Variants in SPAG16 observed in about 807,000 individuals in gnomAD.
SPAG16 encodes sperm-associated antigen 16 protein.
In SPAG16, 86 loss-of-function variants were observed where a neutral mutation model predicts 80.4. The observed-to-expected ratio is 1.07, with a 90% CI of 0.90 to 1.28. SPAG16 has a LOEUF of 1.28. Ranked by LOEUF, SPAG16 falls within the 50% of genes most tolerant of loss-of-function variation. SPAG16 has a pLI of 0.00. For synonymous variants in SPAG16, 294 were observed against 265.9 expected, an observed-to-expected ratio of 1.11 and a Z score of -1.03; for missense variants, 870 against 765.3, an observed-to-expected ratio of 1.14 and a Z score of -1.61.
rs542514227 is a variant in SPAG16 at position 214,276,226 on chromosome 2, G to A, written c.1720+126960G>A. On this transcript the variant is annotated intron_variant, in intron 15 of 15. Coordinates refer to ENST00000331683, the MANE Select transcript of SPAG16 (RefSeq NM_024532.5). ...ATGGGTCTCCTGAATACAGCACCCTGATGGGTCTTGGCTCTTTATCCAATT... is the reference window on the plus strand; with the variant it reads ...ATGGGTCTCCTGAATACAGCACCCTAATGGGTCTTGGCTCTTTATCCAATT... 4.6e-5 allele frequency among the ~76,000 whole-genome samples: 7 copies of A among 152,314 alleles called. No homozygotes were observed. The East Asian group carries it at 1.2e-3, about 25-fold the overall frequency.
intron 15 of SPAG16, among the ~76,000 whole-genome samples, chr2:214,377,573 A>G (rs1412864955): frequency 2.0e-5 from 3 of 152,224 alleles, no homozygotes; most frequent in Non-Finnish European, 4.4e-5. Context: ...TTTAGGACAT[A>G]TAACATACAA....
chr2:214,106,853 A>G lies in SPAG16; in HGVS notation c.1528-1343A>G, dbSNP rs545715006. 4.6e-5 allele frequency among the ~76,000 whole-genome samples: 7 copies of G among 152,274 alleles called. No individual in the cohort carries two copies. In the South Asian group the frequency reaches 1.5e-3, roughly 32 times the overall value. On this transcript the variant is annotated intron_variant, in intron 13 of 15. Transcript: ENST00000331683. ...TGTTGTTCCAGAAATGTGTGAGGCA[A>G]ACATCTACTTGGAGACATTTGCTCT...
intron 10 of SPAG16, among the ~76,000 whole-genome samples, chr2:213,578,735 T>A (rs1267866105): frequency 6.6e-6 from 1 of 152,044 alleles, no homozygotes; most frequent in Non-Finnish European, 1.5e-5. Flanking sequence ...TGGAGACAGA[T>A]GAAAAAGACA....
intron 9 of SPAG16, among the ~76,000 whole-genome samples, chr2:213,448,255 C>T (rs1215583190): frequency 6.6e-6 from 1 of 152,182 alleles, no homozygotes; most frequent in Admixed American, 6.5e-5. Flanking sequence ...ATTCCTACAA[C>T]GAGACTAATC....
chr2:213,949,179 T>TTTTTTTTTTTTTTTTTTTTGGTTTTG (rs1553677674), intron 12 of SPAG16, among the ~76,000 whole-genome samples: 1 of 36,246 alleles, frequency 2.8e-5, no homozygotes, highest in Non-Finnish European at 5.5e-5. Flanking sequence ...GTTTTTTTTT[T>TTTTTTTTTTTTTTTTTTTTGGTTTTG]TTTTTTTTTT....
chr2:213,677,413 A>G (rs1386690608), intron 10 of SPAG16, among the ~76,000 whole-genome samples: 1 of 152,130 alleles, frequency 6.6e-6, no homozygotes, highest in African/African-American at 2.4e-5. Flanking sequence ...AAATAAAAGG[A>G]TGGAGGAAGA....
In SPAG16 at chr2:214,374,751, A is replaced by C. The variant is rs532252655; in HGVS notation, c.1721-35389A>C. Among the ~76,000 whole-genome samples the C allele has an allele frequency of 5.3e-5, 8 of 152,340 alleles. No individual in the cohort carries two copies. The South Asian group carries it at 1.7e-3, about 32-fold the overall frequency. On this transcript the variant is annotated intron_variant, in intron 15 of 15. Transcript: ENST00000331683. ...ATGAAATAGAACATTAGATTTCTGC[A>C]ACAAAGTTGCATCAAAGTAGATGCA... is the stretch of plus-strand genomic sequence containing the variant.
At chr2:213,361,426 A>C (rs919447583) in intron 7 of SPAG16, among the ~76,000 whole-genome samples, 7 of 150,816 alleles carry the variant, frequency 4.6e-5, no homozygotes, top group African/African-American at 1.7e-4. Flanking sequence ...ATATATATAT[A>C]TATTTTAGGT....
At chr2:213,543,071 A>G (rs2125920948) in intron 10 of SPAG16, among the ~76,000 whole-genome samples, 1 of 152,200 alleles carries the variant, frequency 6.6e-6, no homozygotes, top group African/African-American at 2.4e-5. Context: ...CAAATGTTTA[A>G]AAGATAATCA....
chr2:213,913,511 T>A (rs542819522), intron 11 of SPAG16, among the ~76,000 whole-genome samples: 1 of 152,088 alleles, frequency 6.6e-6, no homozygotes, highest in Admixed American at 6.5e-5. Flanking sequence ...TGTGTGTGTG[T>A]GTGTCTGTAT....
chr2:214,027,556 G>A (rs773738525), intron 13 of SPAG16, among the ~76,000 whole-genome samples: 2 of 151,634 alleles, frequency 1.3e-5, no homozygotes, highest in Non-Finnish European at 3.0e-5. Context: ...AAATCATATT[G>A]ATAAAGGATC....
At chr2:213,385,868 T>C (rs1270137536) in intron 9 of SPAG16, among the ~76,000 whole-genome samples, 1 of 152,122 alleles carries the variant, frequency 6.6e-6, no homozygotes, top group African/African-American at 2.4e-5. Flanking sequence ...AAAATTCATG[T>C]ACTAAAATAC....
At chr2:213,849,525 G>A (rs2074800791) in intron 10 of SPAG16, among the ~76,000 whole-genome samples, 1 of 152,098 alleles carries the variant, frequency 6.6e-6, no homozygotes, top group Non-Finnish European at 1.5e-5. Flanking sequence ...ATACAAAAAA[G>A]TCATTATTTA....
chr2:213,594,105 CTT>C (rs1057093227), intron 10 of SPAG16, among the ~76,000 whole-genome samples: 2 of 152,068 alleles, frequency 1.3e-5, no homozygotes, highest in African/African-American at 4.8e-5. Flanking sequence ...AACTTCAACT[CTT>C]TAGCTTTGAG....
At chr2:213,334,779 A>ACTG (rs2064269676) in intron 5 of SPAG16, among the ~76,000 whole-genome samples, 1 of 152,138 alleles carries the variant, frequency 6.6e-6, no homozygotes, top group African/African-American at 2.4e-5. Flanking sequence ...GGAGATAGAG[A>ACTG]GTAGAAGGAT....
chr2:214,032,629 T>C (rs2048471601), intron 13 of SPAG16, among the ~76,000 whole-genome samples: 1 of 152,204 alleles, frequency 6.6e-6, no homozygotes, highest in African/African-American at 2.4e-5. Context: ...TGCCACTGGA[T>C]TTACAGTTTG....
At chr2:214,079,818 C>T (rs867133784) in intron 13 of SPAG16, among the ~76,000 whole-genome samples, 1 of 152,054 alleles carries the variant, frequency 6.6e-6, no homozygotes, top group South Asian at 2.1e-4. Flanking sequence ...CTTCCCAACC[C>T]CAGGTTTTTG....
Position 213,284,585 on chromosome 2 carries a change from C to A in SPAG16, c.102C>A (p.Asp34Glu). ...CCGGGGACGCGAGGGACACGGCGGA[C>A]GCGGTGGCGGCTGAGGGCGCCTACT... ...TAAGDARDTADAVAAEGAYYL... is the reference protein window; with the variant it reads ...TAAGDARDTAEAVAAEGAYYL... Residue 34 changes from aspartate (D) to glutamate (E), a missense_variant, in exon 1 of 16, where the codon GAC becomes GAA. By Grantham distance (45) the Asp-to-Glu change is conservative. Coordinates refer to ENST00000331683, the MANE Select transcript of SPAG16 (RefSeq NM_024532.5). 1.2e-6 allele frequency: 2 copies of A among 1,609,742 alleles called. No individual in the cohort carries two copies. The highest frequency in any genetic ancestry group is 1.7e-6 in the Non-Finnish European group (2 of 1,178,608).
At position 213,350,622 on chromosome 2, in the gene SPAG16, GA is replaced by G; in HGVS notation, c.742del (p.Arg248GlufsTer4). 6.9e-6 allele frequency: 11 copies of G among 1,598,826 alleles called. No homozygotes were observed. Among genetic ancestry groups the G allele is most frequent in the Non-Finnish European group, 9.4e-6 (11 of 1,174,324 alleles). On this transcript the variant is annotated frameshift_variant, in exon 7 of 16. Transcript: ENST00000331683. LOFTEE classifies it high-confidence loss of function. ...GAAGGAGAAAATGCTGACCTCCTTG[GA>G]AAGAGACAAAGTAGTTGGGCAGGTA... ...LLKEKMLTSL[E>X]RDKVVGQISG... is the part of the protein sequence containing the mutation.
Sources: allele counts gnomAD v4.1 joint callset (sites outside exome capture counted in the v4.1 genomes callset), GRCh38; gene constraint gnomAD v4.1.1; transcripts MANE v1.5; gene names NCBI Gene and HGNC (gene_info 2026-07-23, HGNC 2026-07-21).